The following MDGA2 variants were observed in gnomAD, a reference collection of about 807,000 sequenced individuals.
The protein encoded by MDGA2 is MAM domain containing glycosylphosphatidylinositol anchor 2.
A neutral mutation model predicts 117.8 loss-of-function variants in MDGA2; 40 were observed. The observed-to-expected ratio is 0.34, with a 90% CI of 0.26 to 0.44. MDGA2 has a LOEUF of 0.44. Among genes scored for constraint, MDGA2 ranks in the 20% least tolerant of loss-of-function variants. MDGA2 has a pLI of 1.00. For synonymous variants in MDGA2, 452 were observed against 439.0 expected, an observed-to-expected ratio of 1.03 and a Z score of -0.37; for missense variants, 1,123 against 1,250.6, an observed-to-expected ratio of 0.90 and a Z score of 1.54.
At chr14:47,426,972 T>C (rs1892704769) in intron 1 of MDGA2, among the ~76,000 whole-genome samples, 1 of 151,990 alleles carries the variant, frequency 6.6e-6, no homozygotes, top group Non-Finnish European at 1.5e-5. Context: ...AAGTAACACA[T>C]CAAAGTAATA....
At chr14:47,315,477 C>T (rs1051124502) in intron 1 of MDGA2, among the ~76,000 whole-genome samples, 2 of 152,218 alleles carry the variant, frequency 1.3e-5, no homozygotes, top group African/African-American at 2.4e-5. Flanking sequence ...GTAGGCATCA[C>T]GTGGTATAAA....
rs147603565 is a variant in MDGA2, at chr14:47,142,802, C to G, written c.792+1276G>C. Reference sequence around the variant, plus strand: ...AAATCAAGAGACGATCAGATTAGAACAGGCTTCGTTTCAGTACTATGTTAT... The same window carrying G: ...AAATCAAGAGACGATCAGATTAGAAGAGGCTTCGTTTCAGTACTATGTTAT... On this transcript the variant is annotated intron_variant, in intron 4 of 16. Coordinates refer to ENST00000399232, the MANE Select transcript of MDGA2 (RefSeq NM_001113498.3). Among the ~76,000 whole-genome samples, 343 of 152,252 alleles carry G rather than the reference C, an allele frequency of 2.3e-3. 4 individuals carry two copies. The highest frequency in any genetic ancestry group is 8.0e-3 in the African/African-American group (333 of 41,572).
chr14:47,001,302 T>C (rs1887522532), intron 8 of MDGA2, among the ~76,000 whole-genome samples: 1 of 152,026 alleles, frequency 6.6e-6, no homozygotes, highest in South Asian at 2.1e-4. Context: ...ACATAAGTGC[T>C]CTGTGAAATA....
chr14:47,160,486 C>T (rs777343196), intron 3 of MDGA2, among the ~76,000 whole-genome samples: 4 of 152,030 alleles, frequency 2.6e-5, no homozygotes, highest in Non-Finnish European at 5.9e-5. Flanking sequence ...AGGAACATAG[C>T]GAAACCCTGC....
At chr14:47,498,578 C>T (rs1479598750) in intron 1 of MDGA2, among the ~76,000 whole-genome samples, 2 of 152,014 alleles carry the variant, frequency 1.3e-5, no homozygotes, top group African/African-American at 2.4e-5. Context: ...AGTGAACACA[C>T]GAAAACTTTC....
In MDGA2 at chr14:47,540,563, T is replaced by TATATAC. The variant is rs370481455; in HGVS notation, c.280+133953_280+133954insGTATAT. On this transcript the variant is annotated intron_variant, in intron 1 of 16. Transcript: ENST00000399232. Reference sequence around the variant, plus strand: ...GTGTATATATATATATGTATATATATACACACACACATAGAGAGAGAGACA... The same window carrying TATATAC: ...GTGTATATATATATATGTATATATATATATACACACACACACATAGAGAGAGAGACA... 4.8e-4 allele frequency among the ~76,000 whole-genome samples: 54 copies of TATATAC among 112,538 alleles called. 1 individual carries two copies. Among genetic ancestry groups the TATATAC allele is most frequent in the East Asian group, 1.2e-3 (4 of 3,274 alleles). 73.8% of individuals were successfully genotyped at this position (112,538 alleles called of 152,430 possible).
chr14:47,339,414 A>T (rs1431252361), intron 1 of MDGA2, among the ~76,000 whole-genome samples: 1 of 152,088 alleles, frequency 6.6e-6, no homozygotes, highest in African/African-American at 2.4e-5. Flanking sequence ...CTCATGTAGG[A>T]ATTTAATCCC....
At chr14:46,941,408 C>T (rs1276208946) in intron 9 of MDGA2, among the ~76,000 whole-genome samples, 1 of 152,140 alleles carries the variant, frequency 6.6e-6, no homozygotes, top group Non-Finnish European at 1.5e-5. Flanking sequence ...ATAAAAGATG[C>T]CAGATCAGGC....
At chr14:47,061,710 T>C (rs1009796230) in intron 6 of MDGA2, 132 bp from the exon 7 acceptor site, 6 of 741,670 alleles carry the variant, frequency 8.1e-6, no homozygotes, top group Admixed American at 6.4e-5. Flanking sequence ...CTTTTTTATA[T>C]CCAAGTTGTG....
chr14:47,649,757 C>T (rs1408418568), intron 1 of MDGA2, among the ~76,000 whole-genome samples: 1 of 151,816 alleles, frequency 6.6e-6, no homozygotes. Context: ...ATAATAAGTA[C>T]TCAGAGAGAA....
chr14:47,292,227 T>C (rs1025736258), intron 2 of MDGA2, among the ~76,000 whole-genome samples: 1 of 152,212 alleles, frequency 6.6e-6, no homozygotes, highest in Non-Finnish European at 1.5e-5. Flanking sequence ...ATATAGCCTC[T>C]GAAGTTTCTC....
At chr14:47,184,811 T>C (rs1472435769) in intron 3 of MDGA2, among the ~76,000 whole-genome samples, 1 of 151,718 alleles carries the variant, frequency 6.6e-6, no homozygotes, top group Non-Finnish European at 1.5e-5. Context: ...TTAAAACATA[T>C]ATATCATGAA....
chr14:47,144,791 G>A (rs555952542), intron 3 of MDGA2, among the ~76,000 whole-genome samples: 1 of 148,746 alleles, frequency 6.7e-6, no homozygotes, highest in South Asian at 2.1e-4. Flanking sequence ...TGAGACTACA[G>A]GCATGTGCTA....
chr14:47,290,560 T>G (rs1421705806), intron 2 of MDGA2, among the ~76,000 whole-genome samples: 2 of 152,130 alleles, frequency 1.3e-5, no homozygotes. Flanking sequence ...TCACTAAACA[T>G]TATACCCTGG....
rs547290205 is a variant in MDGA2, at chr14:46,868,852, T to C, written c.2752+4581A>G. ...TCTGTTTTGCAGAGAAAATGGAGAC[T>C]GTTAGGAAGGCAACTTCCATGTCAG... On this transcript the variant is annotated intron_variant, in intron 14 of 16. Transcript: ENST00000399232. Among the ~76,000 whole-genome samples the C allele has an allele frequency of 4.6e-5, 7 of 152,118 alleles. No individual in the cohort carries two copies. In the South Asian group the frequency reaches 1.5e-3, roughly 32 times the overall value.
intron 1 of MDGA2, among the ~76,000 whole-genome samples, chr14:47,352,790 T>A (rs182822228): frequency 1.3e-5 from 2 of 152,168 alleles, no homozygotes; most frequent in Non-Finnish European, 2.9e-5. Flanking sequence ...CGAGAGCATT[T>A]GAGGAGGGGA....
At chr14:46,906,831 A>G (rs1351323845) in intron 10 of MDGA2, among the ~76,000 whole-genome samples, 2 of 152,100 alleles carry the variant, frequency 1.3e-5, no homozygotes, top group African/African-American at 2.4e-5. Context: ...TCAGAAGGAA[A>G]TCATTTTGCC....
chr14:47,438,584 T>C lies in MDGA2; in HGVS notation c.281-137034A>G, dbSNP rs550879084. Among the ~76,000 whole-genome samples the C allele has an allele frequency of 1.3e-3, 193 of 152,274 alleles. 1 individual carries two copies. In the South Asian group the frequency reaches 0.016, roughly 12 times the overall value. The stretch of plus-strand genomic sequence containing the variant: ...GCTACTTCCCTCTCTAGCTCCATTA[T>C]GACATTTTCAAGAGACAGGAGCCAG... On this transcript the variant is annotated intron_variant, in intron 1 of 16. Coordinates refer to ENST00000399232, the MANE Select transcript of MDGA2 (RefSeq NM_001113498.3).
At chr14:47,662,270 T>C (rs897177482) in intron 1 of MDGA2, among the ~76,000 whole-genome samples, 9 of 151,292 alleles carry the variant, frequency 5.9e-5, no homozygotes, top group Admixed American at 5.3e-4. Context: ...ACATACGCAC[T>C]CTTATATACT....
Sources: allele counts gnomAD v4.1 joint callset (sites outside exome capture counted in the v4.1 genomes callset), GRCh38; gene constraint gnomAD v4.1.1; transcripts MANE v1.5; gene names NCBI Gene and HGNC (gene_info 2026-07-23, HGNC 2026-07-21).